RPRD2: variants seen among roughly 807,000 people sequenced by gnomAD.
The protein encoded by RPRD2 is regulation of nuclear pre-mRNA domain-containing protein 2.
RPRD2 carries 12 observed loss-of-function variants against 104.4 expected under a neutral mutation model. The ratio of observed to expected loss-of-function variants is 0.11; its 90% CI spans 0.07 to 0.19. The LOEUF is 0.19. Ranked by LOEUF, RPRD2 falls within the 10% of genes least tolerant of loss-of-function variation. The pLI is 1.00. For missense variants in RPRD2, 1,543 were observed against 1,790.1 expected, an observed-to-expected ratio of 0.86 and a Z score of 2.49; for synonymous variants, 714 against 684.9, an observed-to-expected ratio of 1.04 and a Z score of -0.66.
intron 1 of RPRD2, among the ~76,000 whole-genome samples, chr1:150,373,372 G>A (rs1572342369): frequency 6.6e-6 from 1 of 151,978 alleles, no homozygotes; most frequent in East Asian, 1.9e-4. Context: ...CCAATTAGAT[G>A]GCTATTGTAA....
At chr1:150,456,487 G>A (rs1361292079) in intron 7 of RPRD2, among the ~76,000 whole-genome samples, 1 of 152,144 alleles carries the variant, frequency 6.6e-6, no homozygotes, top group Admixed American at 6.6e-5. Context: ...AAAATGGGTC[G>A]CCAGGGATGA....
Position 150,444,302 on chromosome 1 carries a change from A to G in RPRD2, c.619A>G (p.Ile207Val). Residue 207 changes from isoleucine to valine, a missense_variant, in exon 6 of 11, where the codon ATA becomes GTA. Ile to Val is a conservative substitution (Grantham distance 29). Coordinates refer to ENST00000369068, the MANE Select transcript of RPRD2 (RefSeq NM_015203.5). ...LLLYKRSEDQ[I>V]ELKEKQLSTM... ...GCTATACAAGCGCTCAGAAGATCAG[A>G]TAGAACTGAAGGAAAAGCAGTTGTC... 6.2e-7 allele frequency: 1 copy of G among 1,613,888 alleles called. No individual in the cohort carries two copies. The highest frequency in any genetic ancestry group is 1.1e-5 in the South Asian group (1 of 91,088).
chr1:150,472,993 C>A lies in RPRD2; in HGVS notation c.4045C>A (p.His1349Asn), dbSNP rs1303843978. 1 of 1,614,000 alleles carries A rather than the reference C, an allele frequency of 6.2e-7. No homozygotes were observed. Among genetic ancestry groups the A allele is most frequent in the South Asian group, 1.1e-5 (1 of 91,082 alleles). Reference protein sequence around the residue: ...HFGVLPGPRDHGGPTQRDLNG... With the variant: ...HFGVLPGPRDNGGPTQRDLNG... ...TGGGGTACTCCCAGGACCCAGGGACCACGGGGGCCCCACCCAACGGGACCT... is the reference window on the plus strand; with the variant it reads ...TGGGGTACTCCCAGGACCCAGGGACAACGGGGGCCCCACCCAACGGGACCT... The change falls in exon 11 of 11, where the codon CAC becomes AAC. Residue 1349 changes from histidine (H) to asparagine (N), a missense_variant. His to Asn is a moderately conservative substitution (Grantham distance 68). Around this residue, in one of 4 missense-constraint regions of RPRD2, gnomAD observed 880 missense variants for 885.6 expected, o/e 0.99. Coordinates refer to ENST00000369068, the MANE Select transcript of RPRD2 (RefSeq NM_015203.5).
chr1:150,389,058 A>C (rs1661860836), intron 1 of RPRD2, among the ~76,000 whole-genome samples: 1 of 151,856 alleles, frequency 6.6e-6, no homozygotes, highest in Non-Finnish European at 1.5e-5. Flanking sequence ...TTCCCTGCAG[A>C]CAGAGTCTTG....
chr1:150,395,737 C>T (rs1279426688), intron 1 of RPRD2, among the ~76,000 whole-genome samples: 4 of 152,100 alleles, frequency 2.6e-5, no homozygotes, highest in African/African-American at 9.7e-5. Context: ...TCTCGAACTC[C>T]TGACCTCGTG....
intron 10 of RPRD2, among the ~76,000 whole-genome samples, chr1:150,465,607 G>C (rs976037247): frequency 6.6e-6 from 1 of 152,130 alleles, no homozygotes; most frequent in Non-Finnish European, 1.5e-5. Flanking sequence ...CAAGACTGAA[G>C]GCCAGATTTC....
chr1:150,382,169 A>G (rs1349446260), intron 1 of RPRD2, among the ~76,000 whole-genome samples: 3 of 152,128 alleles, frequency 2.0e-5, no homozygotes, highest in Non-Finnish European at 2.9e-5. Context: ...CTCTATGTGA[A>G]ATGTTTATTA....
In RPRD2 at chr1:150,399,718, C is replaced by T. The variant is rs587742409; in HGVS notation, c.206-17878C>T. On this transcript the variant is annotated intron_variant, in intron 1 of 10. Coordinates refer to ENST00000369068, the MANE Select transcript of RPRD2 (RefSeq NM_015203.5). ...GTTGCGGTGAGCAGAGATCACGCCA[C>T]TGCACTCCAGCCTGGGTGACAGAGT... Among the ~76,000 whole-genome samples the T allele has an allele frequency of 5.3e-5, 8 of 150,638 alleles. No homozygotes were observed. In the East Asian group the frequency reaches 1.6e-3, roughly 29 times the overall value.
chr1:150,452,945 C>T (rs587597844), intron 7 of RPRD2, among the ~76,000 whole-genome samples: 2 of 152,150 alleles, frequency 1.3e-5, no homozygotes, highest in South Asian at 4.2e-4. Context: ...GCTGAGATTA[C>T]AGGCGTGAGC....
At chr1:150,425,610 T>A (rs1665069925) in intron 2 of RPRD2, among the ~76,000 whole-genome samples, 1 of 151,102 alleles carries the variant, frequency 6.6e-6, no homozygotes, top group African/African-American at 2.4e-5. Flanking sequence ...ATCATTGCAC[T>A]CCAGCCTGGG....
chr1:150,449,525 C>G (rs1667015132), intron 7 of RPRD2, among the ~76,000 whole-genome samples: 1 of 151,906 alleles, frequency 6.6e-6, no homozygotes, highest in South Asian at 2.1e-4. Flanking sequence ...TGCATGTACT[C>G]TCTCTTCCTC....
intron 7 of RPRD2, among the ~76,000 whole-genome samples, chr1:150,456,360 C>T (rs1315057823): frequency 6.6e-6 from 1 of 152,122 alleles, no homozygotes; most frequent in Non-Finnish European, 1.5e-5. Context: ...TGGTAATATT[C>T]ACTTAGGGAG....
intron 1 of RPRD2, among the ~76,000 whole-genome samples, chr1:150,371,170 T>G (rs1037859889): frequency 2.0e-5 from 3 of 152,224 alleles, no homozygotes; most frequent in Non-Finnish European, 4.4e-5. Flanking sequence ...AGTTTGGATA[T>G]CGAGATCCTT....
chr1:150,474,301 A>T lies in RPRD2; in HGVS notation c.*967A>T, dbSNP rs1013845447. 3 of 152,162 alleles carry T rather than the reference A, an allele frequency of 2.0e-5. No homozygotes were observed. The East Asian group carries it at 5.8e-4, about 29-fold the overall frequency. The allele number at this position is 152,162 out of a possible 1,614,324, so 9.4% of individuals were successfully genotyped here. A position where few individuals can be genotyped will look rare whatever the true frequency, so the allele number is the denominator to read the frequency against. ...CCATGGTGCCTCCCTAATGTAAGTGATATTTATTGGTGGTTTTCAACAAAG... is the reference window on the plus strand; with the variant it reads ...CCATGGTGCCTCCCTAATGTAAGTGTTATTTATTGGTGGTTTTCAACAAAG... On this transcript the variant is annotated 3_prime_UTR_variant, in exon 11 of 11. Coordinates refer to ENST00000369068, the MANE Select transcript of RPRD2 (RefSeq NM_015203.5).
chr1:150,369,552 G>A (rs1308792843), intron 1 of RPRD2, among the ~76,000 whole-genome samples: 1 of 141,282 alleles, frequency 7.1e-6, no homozygotes, highest in Middle Eastern at 3.8e-3. Context: ...CGCCTCCCGG[G>A]TTCACGCCAT....
intron 2 of RPRD2, among the ~76,000 whole-genome samples, chr1:150,419,243 T>G (rs957482027): frequency 4.9e-4 from 75 of 152,326 alleles, no homozygotes; most frequent in African/African-American, 1.7e-3. Flanking sequence ...AAACAATATA[T>G]AGAGCAATAT....
At chr1:150,406,690 C>T (rs587771433) in intron 1 of RPRD2, among the ~76,000 whole-genome samples, 1 of 152,080 alleles carries the variant, frequency 6.6e-6, no homozygotes, top group African/African-American at 2.4e-5. Context: ...TGCGCCACCA[C>T]GCCCTGCCAA....
intron 1 of RPRD2, among the ~76,000 whole-genome samples, chr1:150,391,506 A>C (rs1164780535): frequency 2.0e-5 from 3 of 152,232 alleles, no homozygotes; most frequent in African/African-American, 4.8e-5. Context: ...ATAATCCCAG[A>C]AAAAAATCTA....
chr1:150,453,067 C>G (rs1667306015), intron 7 of RPRD2, among the ~76,000 whole-genome samples: 1 of 145,380 alleles, frequency 6.9e-6, no homozygotes, highest in African/African-American at 2.6e-5. Context: ...GAGCCTCGTG[C>G]TGTTGCCCAG....
Sources: gnomAD v4.1 joint callset for allele counts (sites outside exome capture counted in the v4.1 genomes callset) on GRCh38, gnomAD v4.1.1 for gene constraint, gnomAD v4.1.1 regional missense constraint, MANE v1.5 for transcripts, NCBI Gene and HGNC (gene_info 2026-07-23, HGNC 2026-07-21) for gene names.